ERCC1: variants seen among roughly 807,000 people sequenced by gnomAD.
ERCC1 encodes DNA excision repair protein ERCC-1.
Under a neutral mutation model 37.6 loss-of-function variants are expected in ERCC1, and 36 were observed. That is an observed-to-expected ratio of 0.96 (90% CI 0.73 to 1.26). The LOEUF is 1.26. Ranked by LOEUF, ERCC1 falls within the 50% of genes most tolerant of loss-of-function variation. The pLI is 0.00. For missense variants in ERCC1, 349 were observed against 376.5 expected, an observed-to-expected ratio of 0.93 and a Z score of 0.60; for synonymous variants, 156 against 162.1, an observed-to-expected ratio of 0.96 and a Z score of 0.28.
At chr19:45,413,568 G>T in intron 9 of ERCC1, 109 bp downstream of exon 9, 1 of 1,613,912 alleles carries the variant, frequency 6.2e-7, no homozygotes, top group Non-Finnish European at 8.5e-7. Context: ...AAGCCACTGT[G>T]TCTGGTCTTT....
intron 1 of ERCC1, among the ~76,000 whole-genome samples, chr19:45,444,264 T>TCCCCCCCCCCCCCCCCCCCC (rs1224189939): frequency 1.6e-5 from 2 of 126,820 alleles, no homozygotes; most frequent in Non-Finnish European, 1.7e-5. Flanking sequence ...GTTCCCCATT[T>TCCCCCCCCCCCCCCCCCCCC]CCCCCCCTCC....
chr19:45,437,093 T>C (rs1324178174), intron 1 of ERCC1, among the ~76,000 whole-genome samples: 1 of 151,720 alleles, frequency 6.6e-6, no homozygotes, highest in African/African-American at 2.4e-5. Flanking sequence ...CCACTAAAAA[T>C]ACAAAATTAG....
At chr19:45,437,465 G>A (rs1372744664) in intron 1 of ERCC1, among the ~76,000 whole-genome samples, 1 of 152,032 alleles carries the variant, frequency 6.6e-6, no homozygotes. Flanking sequence ...GTCCATCAAG[G>A]GACATAATGG....
chr19:45,426,466 G>C (rs1250390295), upstream of ERCC1, among the ~76,000 whole-genome samples: 1 of 149,786 alleles, frequency 6.7e-6, no homozygotes, highest in East Asian at 2.0e-4. Context: ...CAGGAGAATT[G>C]CTTGAACCCT....
chr19:45,434,812 G>C (rs541313690), intron 1 of ERCC1, among the ~76,000 whole-genome samples: 2 of 151,900 alleles, frequency 1.3e-5, no homozygotes, highest in Admixed American at 1.3e-4. Flanking sequence ...TTTCGCTCTT[G>C]TTGCCCAGGC....
At chr19:45,437,614 C>T (rs1029579638) in intron 1 of ERCC1, among the ~76,000 whole-genome samples, 7 of 152,142 alleles carry the variant, frequency 4.6e-5, no homozygotes, top group Non-Finnish European at 1.0e-4. Flanking sequence ...GAAAGACAAA[C>T]ACCACATGAT....
upstream of ERCC1, among the ~76,000 whole-genome samples, chr19:45,427,334 G>A (rs753391418): frequency 1.5e-4 from 23 of 152,306 alleles, no homozygotes; most frequent in Non-Finnish European, 3.1e-4. Context: ...AGGAGGCCGG[G>A]CACAGTGGCT....
chr19:45,423,797 A>T lies in ERCC1; in HGVS notation c.-24T>A. 8.9e-7 allele frequency: 1 copy of T among 1,119,396 alleles called. No individual in the cohort carries two copies. The highest frequency in any genetic ancestry group is 1.1e-6 in the Non-Finnish European group (1 of 909,224). 69.3% of individuals were successfully genotyped at this position (1,119,396 alleles called of 1,614,324 possible). ...CTCCCGCACCTGTGGTCCGGGCCTC[A>T]CGGTTTCAGCGCCGCGAGGCCTCAC... On this transcript the variant is annotated 5_prime_UTR_variant, in exon 1 of 10. Transcript: ENST00000300853.
At position 45,420,535 on chromosome 19, in the gene ERCC1, C is replaced by T. The variant is rs1207714881; in HGVS notation, c.322-108G>A. The T allele has an allele frequency of 8.2e-6, 6 of 734,242 alleles. No homozygotes were observed. Among genetic ancestry groups the T allele is most frequent in the Non-Finnish European group, 1.5e-5 (6 of 409,214 alleles). 45.5% of individuals were successfully genotyped at this position (734,242 alleles called of 1,614,324 possible). On this transcript the variant is annotated intron_variant, in intron 3 of 9. Transcript: ENST00000300853. The surrounding 1 kb of genome is among the most constrained non-coding windows in gnomAD (Gnocchi z 4.8). ...TCCTCCCTCCTCCCACCTCTTCCCACACCTCCTGCCTCCTCGCACCTCTTC... is the reference window on the plus strand; with the variant it reads ...TCCTCCCTCCTCCCACCTCTTCCCATACCTCCTGCCTCCTCGCACCTCTTC...
At chr19:45,439,944 G>C (rs1002969284) in intron 1 of ERCC1, among the ~76,000 whole-genome samples, 2 of 152,152 alleles carry the variant, frequency 1.3e-5, no homozygotes, top group Admixed American at 1.3e-4. Context: ...AATAGTTGCC[G>C]CGCTCCGAGC....
chr19:45,441,983 T>A (rs1398161039), intron 1 of ERCC1, among the ~76,000 whole-genome samples: 2 of 148,586 alleles, frequency 1.3e-5, no homozygotes, highest in African/African-American at 5.2e-5. Flanking sequence ...TGCACAGCAC[T>A]TTTTTTTTAT....
At chr19:45,440,468 T>C (rs1432876219) in intron 1 of ERCC1, among the ~76,000 whole-genome samples, 1 of 152,086 alleles carries the variant, frequency 6.6e-6, no homozygotes, top group Non-Finnish European at 1.5e-5. Context: ...GGTGAGGATC[T>C]GATTTCTTGG....
intron 1 of ERCC1, among the ~76,000 whole-genome samples, chr19:45,432,346 G>A (rs1974857471): frequency 6.6e-6 from 1 of 151,150 alleles, no homozygotes; most frequent in South Asian, 2.1e-4. Context: ...GTCTTGTTGC[G>A]CTGCCCAGGC....
At chr19:45,446,709 T>C (rs1459904688) in intron 1 of ERCC1, among the ~76,000 whole-genome samples, 1 of 151,942 alleles carries the variant, frequency 6.6e-6, no homozygotes, top group Non-Finnish European at 1.5e-5. Flanking sequence ...GTGTAGAAAG[T>C]AGGAGCTGGG....
Position 45,408,274 on chromosome 19 carries a change from A to T in ERCC1, c.*1401T>A. 1 of 1,614,098 alleles carries T rather than the reference A, an allele frequency of 6.2e-7. No individual in the cohort carries two copies. The highest frequency in any genetic ancestry group is 1.1e-5 in the South Asian group (1 of 91,064). ...TGCTGGCCCCCTCAACGGAGGCAGG[A>T]GGTGGACTCACCTGTGCCTCAGCCC... On this transcript the variant is annotated 3_prime_UTR_variant, in exon 10 of 10. Coordinates refer to ENST00000300853, the MANE Select transcript of ERCC1 (RefSeq NM_001983.4).
At chr19:45,427,762 C>T (rs1312647740), upstream of ERCC1, among the ~76,000 whole-genome samples, 1 of 152,142 alleles carries the variant, frequency 6.6e-6, no homozygotes, top group African/African-American at 2.4e-5. Flanking sequence ...GCAACTCCTG[C>T]GTTTTCTGCA....
At position 45,407,817 on chromosome 19, in the gene ERCC1, A is replaced by G; in HGVS notation, c.*1858T>C. 1 of 269,884 alleles carries G rather than the reference A, an allele frequency of 3.7e-6. No homozygotes were observed. The allele number at this position is 269,884 out of a possible 1,614,324, so 16.7% of individuals were successfully genotyped here. A position where few individuals can be genotyped will look rare whatever the true frequency, so the allele number is the denominator to read the frequency against. On this transcript the variant is annotated 3_prime_UTR_variant, in exon 10 of 10. Transcript: ENST00000300853. ...GGTGCCTGTAATCCCATCCTTTGGG[A>G]GGCCGAGGCGAGCAGATCACTTGAG...
intron 1 of ERCC1, among the ~76,000 whole-genome samples, chr19:45,441,917 C>G (rs1019727143): frequency 2.0e-5 from 3 of 150,656 alleles, no homozygotes; most frequent in Non-Finnish European, 4.4e-5. Context: ...CTCCTGACCT[C>G]ATGATCCGCC....
intron 1 of ERCC1, chr19:45,436,664 C>CG (rs980592440): frequency 2.3e-4 from 35 of 152,122 alleles, no homozygotes; most frequent in East Asian, 5.8e-4. Context: ...AGAGATGAAG[C>CG]GGGGGGGCGG....
Sources: allele counts gnomAD v4.1 joint callset (sites outside exome capture counted in the v4.1 genomes callset), GRCh38; gene constraint gnomAD v4.1.1; non-coding constraint Gnocchi (gnomAD v3.1); transcripts MANE v1.5; gene names NCBI Gene and HGNC (gene_info 2026-07-23, HGNC 2026-07-21).